Variants in CLDN10 observed in about 807,000 individuals in gnomAD.
The protein encoded by CLDN10 is claudin-10.
In CLDN10, 15 loss-of-function variants were observed where a neutral mutation model predicts 22.9. The ratio of observed to expected loss-of-function variants is 0.65; its 90% CI spans 0.44 to 1.01. CLDN10 has a LOEUF of 1.01. Ranked by LOEUF, CLDN10 falls within the 50% of genes least tolerant of loss-of-function variation. CLDN10 has a pLI of 0.00. For missense variants in CLDN10, 247 were observed against 287.8 expected, an observed-to-expected ratio of 0.86 and a Z score of 1.03; for synonymous variants, 114 against 111.4, an observed-to-expected ratio of 1.02 and a Z score of -0.15.
At chr13:95,553,757 C>G (rs1327095038) in intron 1 of CLDN10, among the ~76,000 whole-genome samples, 1 of 152,166 alleles carries the variant, frequency 6.6e-6, no homozygotes, top group African/African-American at 2.4e-5. Flanking sequence ...TGGAGGTTCA[C>G]CTGCGTTGCT....
intron 1 of CLDN10, among the ~76,000 whole-genome samples, chr13:95,456,083 G>A (rs1373772112): frequency 6.6e-6 from 1 of 152,216 alleles, no homozygotes; most frequent in Non-Finnish European, 1.5e-5. Flanking sequence ...GACTGCATCA[G>A]GCCAGAGGCA....
chr13:95,574,653 CCAGCTACT>C (rs2043901801), intron 3 of CLDN10, among the ~76,000 whole-genome samples: 5 of 152,088 alleles, frequency 3.3e-5, no homozygotes, highest in Middle Eastern at 6.8e-3. Flanking sequence ...ACCTGTAATC[CCAGCTACT>C]CGGGAGGCTG....
intron 1 of CLDN10, among the ~76,000 whole-genome samples, chr13:95,474,788 G>A (rs1335738505): frequency 2.0e-5 from 3 of 152,148 alleles, no homozygotes; most frequent in African/African-American, 7.2e-5. Context: ...GACCTGGTAA[G>A]ATCTGCCTTT....
At chr13:95,455,088 G>T (rs183978572) in intron 1 of CLDN10, among the ~76,000 whole-genome samples, 4 of 151,740 alleles carry the variant, frequency 2.6e-5, no homozygotes, top group Admixed American at 6.6e-5. Context: ...GAGGTGGGAG[G>T]ACTGCTTAAG....
chr13:95,533,323 A>C (rs1232591829), intron 1 of CLDN10, among the ~76,000 whole-genome samples: 1 of 152,044 alleles, frequency 6.6e-6, no homozygotes, highest in African/African-American at 2.4e-5. Flanking sequence ...GTTGGGTATG[A>C]TATATGGGGT....
intron 1 of CLDN10, among the ~76,000 whole-genome samples, chr13:95,534,095 G>A (rs761096540): frequency 2.4e-4 from 36 of 152,220 alleles, no homozygotes; most frequent in Admixed American, 9.2e-4. Flanking sequence ...CTGAGGGATC[G>A]TTTGGGTAAT....
At chr13:95,501,026 T>C (rs895088488) in intron 1 of CLDN10, among the ~76,000 whole-genome samples, 8 of 152,124 alleles carry the variant, frequency 5.3e-5, no homozygotes, top group Admixed American at 5.2e-4. Flanking sequence ...TTTCTTTTTT[T>C]TTCTTTTTTA....
At chr13:95,506,295 C>CT (rs2043038069) in intron 1 of CLDN10, among the ~76,000 whole-genome samples, 1 of 152,168 alleles carries the variant, frequency 6.6e-6, no homozygotes, top group South Asian at 2.1e-4. Context: ...CTACAGCAGC[C>CT]TTCTCTTTCC....
At chr13:95,473,544 G>T (rs1382356395) in intron 1 of CLDN10, among the ~76,000 whole-genome samples, 1 of 152,230 alleles carries the variant, frequency 6.6e-6, no homozygotes, top group South Asian at 2.1e-4. Context: ...TCTAGGCTGA[G>T]TAGTAATAGC....
chr13:95,525,548 A>T (rs897963888), intron 1 of CLDN10, among the ~76,000 whole-genome samples: 1 of 152,138 alleles, frequency 6.6e-6, no homozygotes, highest in African/African-American at 2.4e-5. Flanking sequence ...GCTGGAGTAC[A>T]GTGGCGTAAT....
intron 1 of CLDN10, among the ~76,000 whole-genome samples, chr13:95,442,437 G>T (rs1230111425): frequency 6.6e-6 from 1 of 152,220 alleles, no homozygotes; most frequent in Non-Finnish European, 1.5e-5. Context: ...TTGTGCTCAT[G>T]ATGTGAAGGA....
intron 1 of CLDN10, among the ~76,000 whole-genome samples, chr13:95,521,240 T>G: frequency 6.6e-6 from 1 of 152,270 alleles, no homozygotes; most frequent in Middle Eastern, 3.4e-3. Context: ...GACAATAGTA[T>G]GCATCCTTGT....
At chr13:95,560,050 C>A in intron 1 of CLDN10, 82 bp from the exon 2 acceptor site, 1 of 1,316,012 alleles carries the variant, frequency 7.6e-7, no homozygotes, top group Non-Finnish European at 1.1e-6. Context: ...AAACAAACAT[C>A]CAGAATGACA....
intron 1 of CLDN10, among the ~76,000 whole-genome samples, chr13:95,483,047 C>T (rs1322542323): frequency 1.3e-5 from 2 of 152,336 alleles, no homozygotes; most frequent in East Asian, 3.9e-4. Context: ...AACATTCTTA[C>T]TGGTGAGAAA....
intron 1 of CLDN10, among the ~76,000 whole-genome samples, chr13:95,556,795 C>T (rs1433986447): frequency 2.6e-5 from 4 of 152,216 alleles, no homozygotes; most frequent in Non-Finnish European, 5.9e-5. Flanking sequence ...CCCCTAAATC[C>T]ATCAACTAGC....
chr13:95,468,127 A>G (rs1014370847), intron 1 of CLDN10, among the ~76,000 whole-genome samples: 1 of 152,212 alleles, frequency 6.6e-6, no homozygotes, highest in Non-Finnish European at 1.5e-5. Flanking sequence ...GGCCCAGTCA[A>G]GTTGACACAC....
At chr13:95,464,755 A>G (rs1276716384) in intron 1 of CLDN10, among the ~76,000 whole-genome samples, 1 of 151,608 alleles carries the variant, frequency 6.6e-6, no homozygotes, top group East Asian at 1.9e-4. Flanking sequence ...TTTTTGAGAC[A>G]GGGCCTCACT....
chr13:95,476,177 C>T (rs768610077), intron 1 of CLDN10, among the ~76,000 whole-genome samples: 22 of 152,124 alleles, frequency 1.4e-4, no homozygotes, highest in Middle Eastern at 3.2e-3. Context: ...GATGGATTGT[C>T]GGCATTTGGT....
intron 1 of CLDN10, among the ~76,000 whole-genome samples, chr13:95,495,198 G>A (rs2042915541): frequency 6.6e-6 from 1 of 151,554 alleles, no homozygotes; most frequent in Non-Finnish European, 1.5e-5. Flanking sequence ...ACAACCTCTG[G>A]CTAATTTTTG....
Sources: allele counts gnomAD v4.1 joint callset (sites outside exome capture counted in the v4.1 genomes callset), GRCh38; gene constraint gnomAD v4.1.1; transcripts MANE v1.5; gene names NCBI Gene and HGNC (gene_info 2026-07-23, HGNC 2026-07-21).